WWOX: variants seen among roughly 807,000 people sequenced by gnomAD.
WWOX encodes WW domain-containing oxidoreductase.
A neutral mutation model predicts 46.2 loss-of-function variants in WWOX; 69 were observed. The observed-to-expected ratio is 1.49, with a 90% CI of 1.23 to 1.82. WWOX has a LOEUF of 1.82. Ranked by LOEUF, WWOX falls within the 40% of genes most tolerant of loss-of-function variation. The pLI is 0.00. For missense variants in WWOX, 919 were observed against 542.6 expected (o/e 1.69, Z -6.89); for synonymous variants, 359 against 202.6 (o/e 1.77, Z -6.56).
chr16:78,532,647 C>T (rs1355109484), intron 8 of WWOX, among the ~76,000 whole-genome samples: 2 of 152,104 alleles, frequency 1.3e-5, no homozygotes, highest in African/African-American at 4.8e-5. Context: ...TTCCTTGTGG[C>T]TGGGGAGGCG....
intron 8 of WWOX, among the ~76,000 whole-genome samples, chr16:79,097,670 C>T (rs1055519083): frequency 2.0e-5 from 3 of 152,050 alleles, no homozygotes; most frequent in South Asian, 2.1e-4. Context: ...TAGGGGTGAA[C>T]GCTGTGCAAT....
intron 8 of WWOX, among the ~76,000 whole-genome samples, chr16:78,471,511 A>G (rs2738680): frequency 0.39 from 59,914 of 152,040 alleles, 14,319 homozygotes; most frequent in African/African-American, 0.68. Flanking sequence ...GCACCTTTTG[A>G]TTGTGGTGGT....
intron 8 of WWOX, among the ~76,000 whole-genome samples, chr16:79,033,094 A>T (rs1015740230): frequency 1.3e-5 from 2 of 150,158 alleles, no homozygotes; most frequent in Non-Finnish European, 3.0e-5. Context: ...TGCAAAGGAC[A>T]TGATCTCATT....
chr16:79,165,333 G>C (rs2050572804), intron 8 of WWOX, among the ~76,000 whole-genome samples: 1 of 152,122 alleles, frequency 6.6e-6, no homozygotes, highest in African/African-American at 2.4e-5. Flanking sequence ...AGGGAAACTT[G>C]CCTGTTTGAA....
intron 5 of WWOX, among the ~76,000 whole-genome samples, chr16:78,218,842 T>C (rs1399994992): frequency 6.6e-6 from 1 of 152,248 alleles, no homozygotes; most frequent in East Asian, 1.9e-4. Flanking sequence ...ATTAGAGTTT[T>C]TGAGTCTAAT....
rs150192324 is a variant in WWOX, at chr16:78,104,495, C to G, written c.108-3928C>G. Among the ~76,000 whole-genome samples the G allele has an allele frequency of 3.0e-3, 459 of 152,042 alleles. 1 individual carries two copies. The highest frequency in any genetic ancestry group is 5.6e-3 in the Non-Finnish European group (383 of 67,998). ...CTCTAGCCTGGGCCACAGAATGAGA[C>G]CTTGTCTAAAAAAAAATTAACAGAA... On this transcript the variant is annotated intron_variant, in intron 1 of 8. Transcript: ENST00000566780.
At chr16:78,889,021 C>A (rs77826098) in intron 8 of WWOX, among the ~76,000 whole-genome samples, 4,491 of 152,068 alleles carry the variant, frequency 0.03, 192 homozygotes, top group East Asian at 0.24. Flanking sequence ...TAGAAACTGA[C>A]CATTTATCCC....
chr16:78,519,387 T>C (rs564398841), intron 8 of WWOX, among the ~76,000 whole-genome samples: 3 of 152,248 alleles, frequency 2.0e-5, no homozygotes, highest in East Asian at 3.9e-4. Flanking sequence ...TTTCTTCCTC[T>C]ACCCTCTTCC....
At chr16:78,475,691 G>A (rs1479946687) in intron 8 of WWOX, among the ~76,000 whole-genome samples, 2 of 152,124 alleles carry the variant, frequency 1.3e-5, no homozygotes, top group African/African-American at 2.4e-5. Flanking sequence ...CACCTTCTGG[G>A]TTCAAGTGAT....
chr16:78,869,560 C>T (rs999795907), intron 8 of WWOX, among the ~76,000 whole-genome samples: 3 of 152,224 alleles, frequency 2.0e-5, no homozygotes, highest in East Asian at 3.9e-4. Context: ...TTGAAACAGC[C>T]GATTGAAGTG....
intron 8 of WWOX, among the ~76,000 whole-genome samples, chr16:78,822,212 G>A (rs948434514): frequency 1.3e-5 from 2 of 152,260 alleles, no homozygotes. Context: ...ATCTACGTGA[G>A]GCCAGGTGTG....
chr16:78,650,444 T>A (rs2046941654), intron 8 of WWOX, among the ~76,000 whole-genome samples: 1 of 152,188 alleles, frequency 6.6e-6, no homozygotes, highest in Non-Finnish European at 1.5e-5. Context: ...GTGCCTTGCT[T>A]CCTAGGCTGT....
At chr16:78,803,116 A>C (rs1433689851) in intron 8 of WWOX, among the ~76,000 whole-genome samples, 1 of 151,716 alleles carries the variant, frequency 6.6e-6, no homozygotes, top group South Asian at 2.1e-4. Context: ...AATATCAATT[A>C]TATATAAATT....
intron 8 of WWOX, among the ~76,000 whole-genome samples, chr16:78,478,526 C>T (rs1278264351): frequency 6.6e-6 from 1 of 152,164 alleles, no homozygotes; most frequent in African/African-American, 2.4e-5. Context: ...GAACAAATGG[C>T]TTGGCAGCCT....
At chr16:78,535,803 A>G (rs2043745633) in intron 8 of WWOX, among the ~76,000 whole-genome samples, 1 of 152,190 alleles carries the variant, frequency 6.6e-6, no homozygotes, top group South Asian at 2.1e-4. Context: ...AGAGAACCAG[A>G]CACAAGTTGG....
chr16:78,438,830 C>G (rs552146822), intron 8 of WWOX, among the ~76,000 whole-genome samples: 6 of 152,128 alleles, frequency 3.9e-5, no homozygotes, highest in Non-Finnish European at 7.4e-5. Context: ...GATGGGCCGG[C>G]AATGCTGGTC....
At chr16:78,413,457 G>T (rs948280237) in intron 6 of WWOX, among the ~76,000 whole-genome samples, 3 of 152,146 alleles carry the variant, frequency 2.0e-5, no homozygotes, top group African/African-American at 4.8e-5. Flanking sequence ...TTGGGGCAGC[G>T]GGTGGATCTC....
intron 8 of WWOX, among the ~76,000 whole-genome samples, chr16:78,721,988 A>G (rs2048703478): frequency 6.6e-6 from 1 of 152,260 alleles, no homozygotes; most frequent in South Asian, 2.1e-4. Flanking sequence ...AAAGTATTAA[A>G]TTAGCATCCA....
chr16:78,156,138 G>A (rs1163115459), intron 4 of WWOX, among the ~76,000 whole-genome samples: 3 of 152,220 alleles, frequency 2.0e-5, no homozygotes, highest in African/African-American at 7.2e-5. Flanking sequence ...CACAGAGACA[G>A]ATGGCTTACC....
Sources: allele counts gnomAD v4.1 joint callset (sites outside exome capture counted in the v4.1 genomes callset), GRCh38; gene constraint gnomAD v4.1.1; transcripts MANE v1.5; gene names NCBI Gene and HGNC (gene_info 2026-07-23, HGNC 2026-07-21).